FAT3: variants seen among roughly 807,000 people sequenced by gnomAD.
FAT3 encodes the protein protocadherin Fat 3.
FAT3 carries 95 observed loss-of-function variants against 310.2 expected under a neutral mutation model. The observed-to-expected ratio is 0.31, with a 90% CI of 0.26 to 0.36. FAT3 has a LOEUF of 0.36. FAT3 is among the 10% of genes least tolerant of loss of function. The pLI is 1.00. For missense variants in FAT3, 5,408 were observed against 5,715.6 expected (o/e 0.95, Z 1.74); for synonymous variants, 2,314 against 2,192.9 (o/e 1.06, Z -1.54).
At chr11:92,440,993 GT>G (rs1327417082) in intron 2 of FAT3, among the ~76,000 whole-genome samples, 1 of 152,114 alleles carries the variant, frequency 6.6e-6, no homozygotes, top group Non-Finnish European at 1.5e-5. Flanking sequence ...TGCAATTCCT[GT>G]GAGTTCAAAG....
At chr11:92,405,746 C>T (rs978057696) in intron 2 of FAT3, among the ~76,000 whole-genome samples, 3 of 151,742 alleles carry the variant, frequency 2.0e-5, no homozygotes, top group South Asian at 2.1e-4. Context: ...AGCAAGACCC[C>T]GTCTCACAAG....
rs746451883 is a variant in FAT3, at chr11:92,882,724, C to T, written c.12282-14C>T. ...TGGTCCTGACGGTGGGGAGGGGCTT[C>T]TGTGTCGCCGCAGGTGTGAGGAGGA... On this transcript the variant is annotated splice_polypyrimidine_tract_variant and intron_variant, in intron 23 of 27. Transcript: ENST00000525166. The T allele has an allele frequency of 1.3e-6, 2 of 1,580,646 alleles. No homozygotes were observed. The highest frequency in any genetic ancestry group is 2.3e-5 in the East Asian group (1 of 44,360).
intron 18 of FAT3, among the ~76,000 whole-genome samples, chr11:92,843,357 A>C (rs1471695008): frequency 2.6e-5 from 4 of 152,250 alleles, no homozygotes; most frequent in African/African-American, 9.6e-5. Flanking sequence ...ACCTGTTGCC[A>C]GAGTGGATGT....
intron 13 of FAT3, among the ~76,000 whole-genome samples, chr11:92,827,475 C>T (rs951656387): frequency 1.3e-5 from 2 of 152,220 alleles, no homozygotes; most frequent in African/African-American, 4.8e-5. Context: ...CCCAGGGAAA[C>T]GAAGTGACTT....
chr11:92,402,071 G>A (rs1316019093), intron 2 of FAT3, among the ~76,000 whole-genome samples: 1 of 152,112 alleles, frequency 6.6e-6, no homozygotes, highest in African/African-American at 2.4e-5. Flanking sequence ...TGTTTAATTT[G>A]TTAAAGGTTC....
intron 1 of FAT3, among the ~76,000 whole-genome samples, chr11:92,299,697 T>A (rs552942602): frequency 3.1e-4 from 47 of 152,216 alleles, no homozygotes; most frequent in Non-Finnish European, 6.3e-4. Flanking sequence ...TCTCATATCT[T>A]AAAAAGCACT....
chr11:92,761,706 A>G lies in FAT3; in HGVS notation c.3670-150A>G, dbSNP rs1286639829. 6 of 708,430 alleles carry G rather than the reference A, an allele frequency of 8.5e-6. No homozygotes were observed. The Admixed American group carries it at 1.1e-4, about 13-fold the overall frequency. The allele number at this position is 708,430 out of a possible 1,614,324, so 43.9% of individuals were successfully genotyped here. A position where few individuals can be genotyped will look rare whatever the true frequency, so the allele number is the denominator to read the frequency against. ...TTTTAAGGGGGACACAATTCAATCTATAGAAAGATGAAAAAAGAGAAGAAA... is the reference window on the plus strand; with the variant it reads ...TTTTAAGGGGGACACAATTCAATCTGTAGAAAGATGAAAAAAGAGAAGAAA... On this transcript the variant is annotated intron_variant, in intron 4 of 27. Transcript: ENST00000525166.
intron 3 of FAT3, among the ~76,000 whole-genome samples, chr11:92,613,285 G>C (rs540574093): frequency 1.6e-4 from 25 of 152,130 alleles, no homozygotes; most frequent in African/African-American, 4.8e-4. Flanking sequence ...CTCCTCATTT[G>C]TAGAAATACA....
intron 4 of FAT3, among the ~76,000 whole-genome samples, chr11:92,737,223 G>T (rs576949011): frequency 3.3e-5 from 5 of 152,252 alleles, no homozygotes; most frequent in Non-Finnish European, 5.9e-5. Context: ...CAAGTAATCT[G>T]CCTAGTCTGC....
In FAT3 at chr11:92,808,418, A is replaced by G. The variant is rs145282029; in HGVS notation, c.9248-1425A>G. ...TGGCTTAAACAGGACACTGCAAGTT[A>G]TAGGAACAGCATGAGCAGAGAGCAT... On this transcript the variant is annotated intron_variant, in intron 12 of 27. Transcript: ENST00000525166. Among the ~76,000 whole-genome samples the G allele has an allele frequency of 2.3e-3, 346 of 152,364 alleles. 1 individual carries two copies. Among genetic ancestry groups the G allele is most frequent in the African/African-American group, 8.1e-3 (336 of 41,600 alleles).
At chr11:92,543,360 G>C (rs1478173001) in intron 3 of FAT3, among the ~76,000 whole-genome samples, 1 of 152,144 alleles carries the variant, frequency 6.6e-6, no homozygotes. Flanking sequence ...AAAAAGGTAA[G>C]TATATTATGT....
intron 3 of FAT3, among the ~76,000 whole-genome samples, chr11:92,538,121 A>G (rs1291233898): frequency 6.6e-6 from 1 of 152,192 alleles, no homozygotes; most frequent in Non-Finnish European, 1.5e-5. Context: ...AATAGTTCTT[A>G]GATGGATATT....
chr11:92,540,770 G>GTTT (rs1317143595), intron 3 of FAT3, among the ~76,000 whole-genome samples: 60 of 105,176 alleles, frequency 5.7e-4, no homozygotes, highest in African/African-American at 1.7e-3. Flanking sequence ...GTTTTGTTTT[G>GTTT]TTTTGTTTTT....
At chr11:92,665,993 A>G (rs758183538) in intron 3 of FAT3, among the ~76,000 whole-genome samples, 4 of 152,218 alleles carry the variant, frequency 2.6e-5, no homozygotes, top group Non-Finnish European at 4.4e-5. Context: ...CAACATAGCA[A>G]GACCACATCT....
chr11:92,593,524 C>T (rs1939545138), intron 3 of FAT3, among the ~76,000 whole-genome samples: 1 of 151,784 alleles, frequency 6.6e-6, no homozygotes, highest in Non-Finnish European at 1.5e-5. Context: ...ATTGAAAGAT[C>T]CTGAGCTAAG....
intron 2 of FAT3, among the ~76,000 whole-genome samples, chr11:92,476,082 C>CGTGT (rs369178854): frequency 1.3e-5 from 2 of 150,384 alleles, no homozygotes; most frequent in Admixed American, 6.6e-5. Flanking sequence ...TGTGTGTGTG[C>CGTGT]GTGTGTGTGT....
intron 3 of FAT3, among the ~76,000 whole-genome samples, chr11:92,670,591 G>T (rs1241545755): frequency 6.6e-6 from 1 of 152,218 alleles, no homozygotes; most frequent in African/African-American, 2.4e-5. Context: ...CAGCTCGCAA[G>T]TGCCTGGGAA....
At chr11:92,437,550 C>G (rs932056850) in intron 2 of FAT3, among the ~76,000 whole-genome samples, 2 of 152,090 alleles carry the variant, frequency 1.3e-5, no homozygotes, top group African/African-American at 4.8e-5. Context: ...GAAATATACA[C>G]TCAATAAACA....
At chr11:92,554,547 G>C (rs892602935) in intron 3 of FAT3, among the ~76,000 whole-genome samples, 1 of 149,266 alleles carries the variant, frequency 6.7e-6, no homozygotes, top group African/African-American at 2.5e-5. Context: ...GCCATTACTA[G>C]AGGGGATACT....
Sources: allele counts gnomAD v4.1 joint callset (sites outside exome capture counted in the v4.1 genomes callset), GRCh38; gene constraint gnomAD v4.1.1; transcripts MANE v1.5; gene names NCBI Gene and HGNC (gene_info 2026-07-23, HGNC 2026-07-21).